The following NKAIN2 variants were observed in gnomAD, a reference collection of about 807,000 sequenced individuals.
NKAIN2 encodes the protein sodium/potassium transporting ATPase interacting 2.
Under a neutral mutation model 32.6 loss-of-function variants are expected in NKAIN2, and 14 were observed. That is an observed-to-expected ratio of 0.43 (90% confidence interval 0.28 to 0.67). The LOEUF (loss-of-function observed/expected upper bound fraction) is 0.67. NKAIN2 is among the 30% of genes least tolerant of loss of function. The pLI is 0.17. For synonymous variants in NKAIN2, 80 were observed against 87.2 expected, an observed-to-expected ratio of 0.92 and a Z score of 0.46; for missense variants, 198 against 258.3, an observed-to-expected ratio of 0.77 and a Z score of 1.60.
intron 2 of NKAIN2, among the ~76,000 whole-genome samples, chr6:124,349,240 C>T (rs1274803973): frequency 1.3e-5 from 2 of 151,912 alleles, no homozygotes; most frequent in African/African-American, 4.8e-5. Flanking sequence ...TGGTTTACCC[C>T]CTCACAGATT....
At chr6:124,044,469 A>G (rs755145599) in intron 1 of NKAIN2, among the ~76,000 whole-genome samples, 18 of 152,022 alleles carry the variant, frequency 1.2e-4, no homozygotes, top group South Asian at 2.1e-4. Flanking sequence ...TCCCCTCAGT[A>G]ACTACTACTA....
intron 4 of NKAIN2, among the ~76,000 whole-genome samples, chr6:124,768,286 A>C (rs952945446): frequency 6.6e-6 from 1 of 152,184 alleles, no homozygotes; most frequent in African/African-American, 2.4e-5. Flanking sequence ...ACTTTTTATT[A>C]AGCTTCTATA....
At chr6:123,931,011 C>A (rs190483035) in intron 1 of NKAIN2, among the ~76,000 whole-genome samples, 1 of 151,790 alleles carries the variant, frequency 6.6e-6, no homozygotes, top group Non-Finnish European at 1.5e-5. Flanking sequence ...GTTTTGCCTG[C>A]GATGAAGGCG....
intron 2 of NKAIN2, among the ~76,000 whole-genome samples, chr6:124,319,255 A>G (rs1797078197): frequency 6.6e-6 from 1 of 152,150 alleles, no homozygotes; most frequent in African/African-American, 2.4e-5. Context: ...TTCTAACTTC[A>G]AGCTCACTTC....
At chr6:124,027,197 TA>T (rs1283469222) in intron 1 of NKAIN2, among the ~76,000 whole-genome samples, 1 of 151,070 alleles carries the variant, frequency 6.6e-6, no homozygotes, top group Non-Finnish European at 1.5e-5. Context: ...TGAAGTGCAA[TA>T]GCACGATCTC....
intron 3 of NKAIN2, among the ~76,000 whole-genome samples, chr6:124,628,015 A>G (rs1783422754): frequency 6.6e-6 from 1 of 152,198 alleles, no homozygotes; most frequent in Non-Finnish European, 1.5e-5. Context: ...GTGTTCACAC[A>G]CACATTCGCA....
At chr6:124,468,844 A>T (rs554678584) in intron 3 of NKAIN2, among the ~76,000 whole-genome samples, 1 of 152,316 alleles carries the variant, frequency 6.6e-6, no homozygotes, top group Non-Finnish European at 1.5e-5. Flanking sequence ...CCAAACTCAA[A>T]ATGTGCCTAG....
intron 1 of NKAIN2, among the ~76,000 whole-genome samples, chr6:123,906,192 C>T (rs1345427631): frequency 6.6e-6 from 1 of 151,998 alleles, no homozygotes; most frequent in Non-Finnish European, 1.5e-5. Flanking sequence ...TTTGTTTGGC[C>T]TTTGCATAAT....
intron 5 of NKAIN2, among the ~76,000 whole-genome samples, chr6:124,799,855 T>C (rs1291428272): frequency 2.0e-5 from 3 of 152,170 alleles, no homozygotes; most frequent in Non-Finnish European, 4.4e-5. Context: ...CTTCCAGTGG[T>C]GCAGACCCCC....
chr6:123,819,620 A>T (rs775306759), intron 1 of NKAIN2, among the ~76,000 whole-genome samples: 6 of 152,242 alleles, frequency 3.9e-5, no homozygotes, highest in Non-Finnish European at 8.8e-5. Flanking sequence ...TGGAAGGAAG[A>T]AGAACAGCTC....
chr6:124,141,167 G>A lies in NKAIN2; in HGVS notation c.55-141838G>A, dbSNP rs181402820. Among the ~76,000 whole-genome samples, 3 of 152,150 alleles carry A rather than the reference G, an allele frequency of 2.0e-5. 1 individual carries two copies. The highest frequency in any genetic ancestry group is 7.2e-5 in the African/African-American group (3 of 41,524). ...TCAAAGATAGTGGAAGCAATTGTGC[G>A]TATTGAGTCAGAAATGGGAAAAAAT... On this transcript the variant is annotated intron_variant, in intron 1 of 6. Transcript: ENST00000368417.
intron 1 of NKAIN2, among the ~76,000 whole-genome samples, chr6:124,054,617 CAT>C (rs1782566659): frequency 6.6e-6 from 1 of 152,130 alleles, no homozygotes; most frequent in East Asian, 1.9e-4. Flanking sequence ...TCACTCTAGC[CAT>C]AGAGTCAGAA....
chr6:124,449,042 T>C (rs1776000954), intron 3 of NKAIN2, among the ~76,000 whole-genome samples: 1 of 152,088 alleles, frequency 6.6e-6, no homozygotes, highest in South Asian at 2.1e-4. Flanking sequence ...CTATGCTCCA[T>C]AAATTTCAAA....
chr6:123,950,763 G>A (rs1193163109), intron 1 of NKAIN2, among the ~76,000 whole-genome samples: 3 of 151,430 alleles, frequency 2.0e-5, no homozygotes, highest in Non-Finnish European at 4.4e-5. Context: ...TTGTTCCTTT[G>A]TGTTGTTTTT....
intron 4 of NKAIN2, among the ~76,000 whole-genome samples, chr6:124,663,041 T>C (rs1404742123): frequency 1.3e-5 from 2 of 152,148 alleles, no homozygotes; most frequent in Admixed American, 6.5e-5. Flanking sequence ...TTTGTTACAT[T>C]TATTTGAATT....
chr6:123,804,385 T>C, intron 1 of NKAIN2, 131 bp downstream of exon 1: 1 of 800,212 alleles, frequency 1.2e-6, no homozygotes, highest in Admixed American at 2.0e-5. Context: ...ATATATTGCC[T>C]ATATTGAAGA....
chr6:123,866,046 A>C (rs115345961), intron 1 of NKAIN2, among the ~76,000 whole-genome samples: 1,553 of 152,310 alleles, frequency 0.01, 26 homozygotes, highest in African/African-American at 0.035. Context: ...GTAGTTTTGG[A>C]GTCTATCTCC....
At chr6:123,986,541 C>T (rs6930949) in intron 1 of NKAIN2, among the ~76,000 whole-genome samples, 2,574 of 152,078 alleles carry the variant, frequency 0.017, 85 homozygotes, top group African/African-American at 0.058. Flanking sequence ...AGGTATGAGC[C>T]GACTCTGTAT....
intron 3 of NKAIN2, among the ~76,000 whole-genome samples, chr6:124,402,624 A>C (rs1379847371): frequency 2.0e-5 from 3 of 152,234 alleles, no homozygotes; most frequent in Non-Finnish European, 4.4e-5. Flanking sequence ...ACACACACAC[A>C]AAACAAACAA....
Sources: allele counts gnomAD v4.1 joint callset (sites outside exome capture counted in the v4.1 genomes callset), GRCh38; gene constraint gnomAD v4.1.1; transcripts MANE v1.5; gene names NCBI Gene and HGNC (gene_info 2026-07-23, HGNC 2026-07-21).